The following THAP2 variants were observed in gnomAD, a reference collection of about 807,000 sequenced individuals.
THAP2 encodes THAP domain containing 2.
THAP2 carries 16 observed loss-of-function variants against 18.8 expected under a neutral mutation model. The ratio of observed to expected loss-of-function variants is 0.85; its 90% CI spans 0.58 to 1.29. The LOEUF (loss-of-function observed/expected upper bound fraction) is 1.29, where lower values mean the gene tolerates loss of function less well. Among genes scored for constraint, THAP2 ranks in the 50% most tolerant of loss-of-function variants. THAP2 has a pLI of 0.00. For missense variants in THAP2, 251 were observed against 265.3 expected, an observed-to-expected ratio of 0.95 and a Z score of 0.38; for synonymous variants, 80 against 89.2, an observed-to-expected ratio of 0.90 and a Z score of 0.58.
At chr12:71,664,608 G>A (rs750884206) in intron 1 of THAP2, 28 bp downstream of exon 1, 1 of 1,612,726 alleles carries the variant, frequency 6.2e-7, no homozygotes, top group Admixed American at 1.7e-5. Flanking sequence ...TGGGGGTGAC[G>A]GAAACTGGAG....
At chr12:71,670,711 G>C (rs1003355829) in intron 1 of THAP2, among the ~76,000 whole-genome samples, 7 of 152,078 alleles carry the variant, frequency 4.6e-5, no homozygotes, top group African/African-American at 1.4e-4. Flanking sequence ...GGCCGAAGCA[G>C]GTGGGTCACC....
chr12:71,674,038 C>A (rs1881482530), intron 1 of THAP2, among the ~76,000 whole-genome samples, 165 bp from the exon 2 acceptor site: 1 of 152,104 alleles, frequency 6.6e-6, no homozygotes, highest in African/African-American at 2.4e-5. Flanking sequence ...ACTTATAAAA[C>A]ATTACCATGA....
chr12:71,670,887 C>T (rs1049046472), intron 1 of THAP2, among the ~76,000 whole-genome samples: 6 of 143,220 alleles, frequency 4.2e-5, no homozygotes, highest in African/African-American at 1.3e-4. Context: ...TGCAGGGAGC[C>T]GAGATGGCAC....
At chr12:71,665,603 ATAAT>A (rs1881323011) in intron 1 of THAP2, 1 of 152,274 alleles carries the variant, frequency 6.6e-6, no homozygotes, top group Admixed American at 6.5e-5. Flanking sequence ...AAAGACATAA[ATAAT>A]TAAGTGCCAC....
chr12:71,673,352 A>T (rs1366262312), intron 1 of THAP2, among the ~76,000 whole-genome samples: 1 of 152,078 alleles, frequency 6.6e-6, no homozygotes, highest in Non-Finnish European at 1.5e-5. Flanking sequence ...TTCAAATTCA[A>T]ATATATTTAT....
rs1881294669 is a variant in THAP2 at position 71,664,595 on chromosome 12, G to A, written c.71+15G>A. The A allele has an allele frequency of 1.2e-6, 2 of 1,614,048 alleles. No individual in the cohort carries two copies. Among genetic ancestry groups the A allele is most frequent in the East Asian group, 2.2e-5 (1 of 44,894 alleles). On this transcript the variant is annotated intron_variant, in intron 1 of 2. Transcript: ENST00000308086. ...AGCTTCCACAGGTAACCTGGGCAGG[G>A]AGTGGGGGTGACGGAAACTGGAGTT...
rs1269959743 is a variant in THAP2 at position 71,677,586 on chromosome 12, A to C, written c.*478A>C. 6.6e-6 allele frequency: 1 copy of C among 152,194 alleles called. No homozygotes were observed. The highest frequency in any genetic ancestry group is 1.5e-5 in the Non-Finnish European group (1 of 68,032). 9.4% of individuals were successfully genotyped at this position (152,194 alleles called of 1,614,324 possible). ...TTGAAAAATTTATAGAAAAAAAGGT[A>C]CAGGGCAAGTTTTTAAATTAAAACT... On this transcript the variant is annotated 3_prime_UTR_variant, in exon 3 of 3. Coordinates refer to ENST00000308086, the MANE Select transcript of THAP2 (RefSeq NM_031435.4).
Position 71,680,585 on chromosome 12 carries a change from T to A in THAP2, c.*3477T>A, listed in dbSNP as rs529233575. On this transcript the variant is annotated 3_prime_UTR_variant, in exon 3 of 3. Coordinates refer to ENST00000308086, the MANE Select transcript of THAP2 (RefSeq NM_031435.4). Reference sequence around the variant, plus strand: ...GATTTTGTAGTGTATACTAAATAATTGCATATTCAAAAAAATGTATTCTGA... The same window carrying A: ...GATTTTGTAGTGTATACTAAATAATAGCATATTCAAAAAAATGTATTCTGA... The A allele has an allele frequency of 1.3e-5, 2 of 152,588 alleles. No homozygotes were observed. The highest frequency in any genetic ancestry group is 4.1e-4 in the South Asian group (2 of 4,826). 9.5% of individuals were successfully genotyped at this position (152,588 alleles called of 1,614,324 possible).
At position 71,679,496 on chromosome 12, in the gene THAP2, G is replaced by A. The variant is rs1216908138; in HGVS notation, c.*2388G>A. ...CCATAAACTAACTGAAATTATAATGGATTTTTTTTCCTCTCCCGGTCACAA... is the reference window on the plus strand; with the variant it reads ...CCATAAACTAACTGAAATTATAATGAATTTTTTTTCCTCTCCCGGTCACAA... On this transcript the variant is annotated 3_prime_UTR_variant, in exon 3 of 3. Coordinates refer to ENST00000308086, the MANE Select transcript of THAP2 (RefSeq NM_031435.4). 6.6e-6 allele frequency: 1 copy of A among 151,518 alleles called. No homozygotes were observed. The highest frequency in any genetic ancestry group is 1.5e-5 in the Non-Finnish European group (1 of 67,880). The allele number at this position is 151,518 out of a possible 1,614,324, so 9.4% of individuals were successfully genotyped here. A position where few individuals can be genotyped will look rare whatever the true frequency, so the allele number is the denominator to read the frequency against.
intron 1 of THAP2, among the ~76,000 whole-genome samples, chr12:71,672,004 G>A (rs1452174876): frequency 1.3e-5 from 2 of 152,194 alleles, no homozygotes; most frequent in Non-Finnish European, 2.9e-5. Context: ...AAGACTGGCA[G>A]CTGGTGTTTA....
intron 2 of THAP2, 73 bp downstream of exon 2, chr12:71,674,471 CTG>C: frequency 7.1e-7 from 1 of 1,417,374 alleles, no homozygotes; most frequent in Non-Finnish European, 9.5e-7. Context: ...CAGTTATTAA[CTG>C]AAATTCATTT....
rs897428930 is a variant in THAP2, at chr12:71,672,064, A to C, written c.72-2139A>C. On this transcript the variant is annotated intron_variant, in intron 1 of 2. Transcript: ENST00000308086. ...TTAGCAGGTTTGTAGATAAGGGCAGAACTGATATAAACCCAACTGCATTTG... is the reference window on the plus strand; with the variant it reads ...TTAGCAGGTTTGTAGATAAGGGCAGCACTGATATAAACCCAACTGCATTTG... Among the ~76,000 whole-genome samples the C allele has an allele frequency of 4.6e-5, 7 of 152,182 alleles. No homozygotes were observed. The East Asian group carries it at 1.2e-3, about 25-fold the overall frequency.
chr12:71,677,126 C>T lies in THAP2; in HGVS notation c.*18C>T, dbSNP rs1881534724. ...TCATTTAAATTTAGCTTGCACAGAGCTTGATGCCTATCCTTCATTCTTTTC... is the reference window on the plus strand; with the variant it reads ...TCATTTAAATTTAGCTTGCACAGAGTTTGATGCCTATCCTTCATTCTTTTC... On this transcript the variant is annotated 3_prime_UTR_variant, in exon 3 of 3. Transcript: ENST00000308086. The T allele has an allele frequency of 1.3e-5, 20 of 1,533,752 alleles. No homozygotes were observed. The highest frequency in any genetic ancestry group is 1.8e-5 in the Non-Finnish European group (20 of 1,141,678).
chr12:71,664,921 A>C, intron 1 of THAP2: 1 of 702,402 alleles, frequency 1.4e-6, no homozygotes, highest in Non-Finnish European at 2.6e-6. Flanking sequence ...CTTCCCAATC[A>C]GCAATCACCG....
At chr12:71,676,141 T>TGGCTAGGAA in intron 2 of THAP2, among the ~76,000 whole-genome samples, 1 of 152,186 alleles carries the variant, frequency 6.6e-6, no homozygotes, top group Middle Eastern at 3.4e-3. Context: ...TGGCAAATGT[T>TGGCTAGGAA]CCTAGCCAGA....
intron 1 of THAP2, among the ~76,000 whole-genome samples, chr12:71,672,278 CAGCAGA>C (rs1881454139): frequency 6.6e-6 from 1 of 152,150 alleles, no homozygotes; most frequent in Non-Finnish European, 1.5e-5. Flanking sequence ...GCCTCTTGGT[CAGCAGA>C]AGCTGTTTCT....
intron 1 of THAP2, among the ~76,000 whole-genome samples, chr12:71,666,684 G>A (rs189307820): frequency 3.3e-5 from 5 of 152,096 alleles, no homozygotes; most frequent in Non-Finnish European, 7.4e-5. Flanking sequence ...ATACAAACAA[G>A]GATTAATTGA....
chr12:71,667,374 A>G, intron 1 of THAP2: 1 of 152,164 alleles, frequency 6.6e-6, no homozygotes, highest in East Asian at 1.9e-4. Flanking sequence ...CTACTTGTTG[A>G]TGCCTCCCAA....
chr12:71,674,914 G>A (rs1592613069), intron 2 of THAP2, among the ~76,000 whole-genome samples: 1 of 151,904 alleles, frequency 6.6e-6, no homozygotes, highest in Non-Finnish European at 1.5e-5. Context: ...GTTGCATAAT[G>A]AGAACAAAAA....
Sources: allele counts gnomAD v4.1 joint callset (sites outside exome capture counted in the v4.1 genomes callset), GRCh38; gene constraint gnomAD v4.1.1; transcripts MANE v1.5; gene names NCBI Gene and HGNC (gene_info 2026-07-23, HGNC 2026-07-21).